RNF149: variants seen among roughly 807,000 people sequenced by gnomAD.
RNF149 encodes the protein ring finger protein 149.
Under a neutral mutation model 39.0 loss-of-function variants are expected in RNF149, and 21 were observed. That is an observed-to-expected ratio of 0.54 (90% CI 0.38 to 0.77). The LOEUF (loss-of-function observed/expected upper bound fraction) is 0.77, where lower values mean the gene tolerates loss of function less well. Among genes scored for constraint, RNF149 ranks in the 30% least tolerant of loss-of-function variants. The pLI, the probability that RNF149 is intolerant of heterozygous loss-of-function variation, is 0.00. For missense variants in RNF149, 493 were observed against 534.9 expected (o/e 0.92, Z 0.77); for synonymous variants, 209 against 213.6 (o/e 0.98, Z 0.19).
At chr2:101,294,834 A>G in intron 2 of RNF149, 97 bp downstream of exon 2, 1 of 1,038,694 alleles carries the variant, frequency 9.6e-7, no homozygotes, top group East Asian at 2.4e-5. Context: ...ATAAGCGAAA[A>G]TCAAGATTAT....
rs139806036 is a variant in RNF149, at chr2:101,301,771, C to G, written c.460+6358G>C. Reference sequence around the variant, plus strand: ...AAATAATAATAAAAGGAAAAAAGTTCTGACTTGGTCAACAGCTTTAAAATT... The same window carrying G: ...AAATAATAATAAAAGGAAAAAAGTTGTGACTTGGTCAACAGCTTTAAAATT... On this transcript the variant is annotated intron_variant, in intron 1 of 6. Transcript: ENST00000295317. Among the ~76,000 whole-genome samples, 1,061 of 152,234 alleles carry G rather than the reference C, an allele frequency of 7.0e-3. 18 individuals are homozygous for G. Among genetic ancestry groups the G allele is most frequent in the African/African-American group, 0.024 (980 of 41,540 alleles).
At chr2:101,293,023 G>A (rs1573243756) in intron 3 of RNF149, among the ~76,000 whole-genome samples, 1 of 134,622 alleles carries the variant, frequency 7.4e-6, no homozygotes, top group African/African-American at 2.8e-5. Context: ...TGTATGGAAA[G>A]AAAATAATAC....
intron 4 of RNF149, among the ~76,000 whole-genome samples, chr2:101,288,346 T>C (rs1246986074): frequency 6.8e-6 from 1 of 146,860 alleles, no homozygotes; most frequent in Non-Finnish European, 1.5e-5. Flanking sequence ...CAAGTAATTC[T>C]CCTGCCCCAG....
At chr2:101,302,007 CACTA>C (rs565465728) in intron 1 of RNF149, among the ~76,000 whole-genome samples, 653 of 152,296 alleles carry the variant, frequency 4.3e-3, no homozygotes, top group Non-Finnish European at 7.1e-3. Context: ...TTCTTTTCCC[CACTA>C]ACTAACTGCA....
At chr2:101,300,933 C>G in intron 1 of RNF149, among the ~76,000 whole-genome samples, 1 of 152,162 alleles carries the variant, frequency 6.6e-6, no homozygotes, top group Admixed American at 6.5e-5. Context: ...GATGCATCGC[C>G]GCCTCTCTGG....
intron 1 of RNF149, among the ~76,000 whole-genome samples, chr2:101,304,835 A>ATTTTTT (rs11340908): frequency 2.2e-5 from 2 of 89,750 alleles, no homozygotes; most frequent in Non-Finnish European, 2.2e-5. Flanking sequence ...GACTACTAGT[A>ATTTTTT]TTTTTTTTTT....
chr2:101,291,160 T>A (rs1015162813), intron 3 of RNF149, among the ~76,000 whole-genome samples: 1 of 152,126 alleles, frequency 6.6e-6, no homozygotes, highest in Admixed American at 6.5e-5. Flanking sequence ...TTAATTAATT[T>A]TTTTTTTTTG....
rs1194536021 is a variant in RNF149, at chr2:101,275,857, G to A, written c.*1381C>T. On this transcript the variant is annotated 3_prime_UTR_variant, in exon 7 of 7. Transcript: ENST00000295317. ...GATTTCAAAGGTAATGGCTGTTATGGAAACCTACTTGAGGTTGTCTGCTAA... is the reference window on the plus strand; with the variant it reads ...GATTTCAAAGGTAATGGCTGTTATGAAAACCTACTTGAGGTTGTCTGCTAA... 2.0e-6 allele frequency: 2 copies of A among 984,550 alleles called. No individual in the cohort carries two copies. Among genetic ancestry groups the A allele is most frequent in the Non-Finnish European group, 2.4e-6 (2 of 829,298 alleles). The allele number at this position is 984,550 out of a possible 1,614,324, so 61.0% of individuals were successfully genotyped here. A position where few individuals can be genotyped will look rare whatever the true frequency, so the allele number is the denominator to read the frequency against.
At chr2:101,305,949 C>A (rs188957625) in intron 1 of RNF149, among the ~76,000 whole-genome samples, 6 of 152,296 alleles carry the variant, frequency 3.9e-5, no homozygotes, top group Admixed American at 1.3e-4. Flanking sequence ...ACACTTCACA[C>A]ATCTTTAAAT....
chr2:101,296,186 C>G (rs910515024), intron 1 of RNF149, among the ~76,000 whole-genome samples: 4 of 152,016 alleles, frequency 2.6e-5, no homozygotes, highest in Non-Finnish European at 4.4e-5. Flanking sequence ...ATACCTAAAG[C>G]ATGTTCATTA....
At chr2:101,271,559 A>C (rs1242813414), downstream of RNF149, 1 of 151,022 alleles carries the variant, frequency 6.6e-6, no homozygotes, top group Non-Finnish European at 1.5e-5. Context: ...TTGAGCCTGG[A>C]AGATTGAGGC....
In RNF149 at chr2:101,278,292, C is replaced by T. The variant is rs1682428336; in HGVS notation, c.1160-1011G>A. ...TCAGCTTCCCAGAGAGCTAGGACTACAGTAGGCACACGCCACCACGCCCCG... is the reference window on the plus strand; with the variant it reads ...TCAGCTTCCCAGAGAGCTAGGACTATAGTAGGCACACGCCACCACGCCCCG... On this transcript the variant is annotated intron_variant, in intron 6 of 6. Coordinates refer to ENST00000295317, the MANE Select transcript of RNF149 (RefSeq NM_173647.4). 2.0e-5 allele frequency among the ~76,000 whole-genome samples: 3 copies of T among 152,136 alleles called. No individual in the cohort carries two copies. In the South Asian group the frequency reaches 6.2e-4, roughly 32 times the overall value.
In RNF149 at chr2:101,277,260, C is replaced by G; in HGVS notation, c.1181G>C (p.Arg394Pro). 6.2e-7 allele frequency: 1 copy of G among 1,613,368 alleles called. No homozygotes were observed. The highest frequency in any genetic ancestry group is 1.1e-5 in the South Asian group (1 of 90,952). Residue 394 changes from arginine to proline, a missense_variant, in exon 7 of 7, where the codon CGG becomes CCG. Transcript: ENST00000295317. ...GTGCTAGGAGATGGGTCCTCCATGC[C>G]GAGAGTCACTCCTGCCGGCTTCTGC... ...ALLEAGRSDS[R>P]HGGPIS
At chr2:101,299,035 T>C (rs1439253093) in intron 1 of RNF149, among the ~76,000 whole-genome samples, 1 of 152,164 alleles carries the variant, frequency 6.6e-6, no homozygotes, top group East Asian at 1.9e-4. Context: ...CTCATGCCTG[T>C]AATCCCAGCT....
intron 3 of RNF149, among the ~76,000 whole-genome samples, chr2:101,289,577 T>C (rs983795350): frequency 6.6e-6 from 1 of 151,732 alleles, no homozygotes; most frequent in Admixed American, 6.6e-5. Flanking sequence ...TGGTGGCGCG[T>C]GCCTGTAGTC....
chr2:101,281,755 C>T, intron 6 of RNF149, 104 bp downstream of exon 6: 1 of 1,401,994 alleles, frequency 7.1e-7, no homozygotes, highest in Admixed American at 1.8e-5. Context: ...ATAGCTCAAA[C>T]TCGAGCAATC....
At position 101,289,030 on chromosome 2, in the gene RNF149, C is replaced by T. The variant is rs747443122; in HGVS notation, c.806G>A (p.Cys269Tyr). 1.1e-4 allele frequency: 180 copies of T among 1,592,912 alleles called. No homozygotes were observed. The highest frequency in any genetic ancestry group is 1.5e-4 in the Non-Finnish European group (179 of 1,162,348). The change falls in exon 4 of 7, where the codon TGT becomes TAT. Residue 269 changes from cysteine to tyrosine, a missense_variant. Coordinates refer to ENST00000295317, the MANE Select transcript of RNF149 (RefSeq NM_173647.4). Reference sequence around the variant, plus strand: ...TTTGAAATTTTCAATACACACTGCACAATTTTCAGCATCAACATCAATTCC... The same window carrying T: ...TTTGAAATTTTCAATACACACTGCATAATTTTCAGCATCAACATCAATTCC... The part of the protein sequence containing the change: ...EKGIDVDAEN[C>Y]AVCIENFKVK...
chr2:101,275,494 T>A (rs1296514203), downstream of RNF149, among the ~76,000 whole-genome samples: 2 of 115,468 alleles, frequency 1.7e-5, no homozygotes, highest in African/African-American at 3.4e-5. Context: ...CAGGCTGGAG[T>A]GCAGTGGCGG....
At chr2:101,307,571 T>G (rs1469072666) in intron 1 of RNF149, among the ~76,000 whole-genome samples, 1 of 152,216 alleles carries the variant, frequency 6.6e-6, no homozygotes, top group East Asian at 1.9e-4. Context: ...GCCAGTGTTA[T>G]AACCCTAAAT....
Sources: allele counts gnomAD v4.1 joint callset (sites outside exome capture counted in the v4.1 genomes callset), GRCh38; gene constraint gnomAD v4.1.1; transcripts MANE v1.5; gene names NCBI Gene and HGNC (gene_info 2026-07-23, HGNC 2026-07-21).